Variants in GLDC observed in about 807,000 individuals in gnomAD.
The protein encoded by GLDC is glycine decarboxylase.
GLDC carries 104 observed loss-of-function variants against 121.3 expected under a neutral mutation model. The ratio of observed to expected loss-of-function variants is 0.86; its 90% CI spans 0.73 to 1.01. GLDC has a LOEUF of 1.01. Among genes scored for constraint, GLDC ranks in the 50% least tolerant of loss-of-function variants. GLDC has a pLI of 0.00. For synonymous variants in GLDC, 546 were observed against 480.6 expected (o/e 1.14, Z -1.78); for missense variants, 1,429 against 1,306.6 (o/e 1.09, Z -1.44).
At chr9:6,619,081 T>A (rs776132134) in intron 3 of GLDC, among the ~76,000 whole-genome samples, 5 of 136,482 alleles carry the variant, frequency 3.7e-5, no homozygotes, top group Admixed American at 8.3e-5. Flanking sequence ...GGGCAGAGGT[T>A]GCAGTGAGCC....
Position 6,588,435 on chromosome 9 carries a change from C to A in GLDC, c.1673G>T (p.Cys558Phe). 1 of 1,611,880 alleles carries A rather than the reference C, an allele frequency of 6.2e-7. No individual in the cohort carries two copies. Among genetic ancestry groups the A allele is most frequent in the Non-Finnish European group, 8.5e-7 (1 of 1,177,956 alleles). The change falls in exon 14 of 25, where the codon TGC becomes TTC. Residue 558 changes from cysteine (C) to phenylalanine (F), a missense_variant. Cys to Phe is a radical substitution (Grantham distance 205, BLOSUM62 -2). Coordinates refer to ENST00000321612, the MANE Select transcript of GLDC (RefSeq NM_000170.3). The stretch of plus-strand genomic sequence containing the variant: ...AGACGAACTGTTCAGTTTCATGGTG[C>A]AGGATCCCTTTAAGAAGAACATCCA... The part of the protein sequence containing the change: ...LVHSMIPLGS[C>F]TMKLNSSSEL...
chr9:6,644,887 C>T (rs1346163124), intron 1 of GLDC, 195 bp from the exon 2 acceptor site: 7 of 636,184 alleles, frequency 1.1e-5, no homozygotes, highest in Non-Finnish European at 1.9e-5. Context: ...GGAGATTCCG[C>T]CACTCGGGGT....
chr9:6,625,998 T>C (rs1277784211), intron 2 of GLDC, among the ~76,000 whole-genome samples: 1 of 152,046 alleles, frequency 6.6e-6, no homozygotes, highest in Non-Finnish European at 1.5e-5. Context: ...AAACTCCAGA[T>C]CGCTTCCCTC....
chr9:6,558,322 A>T, intron 17 of GLDC: 3 of 628,080 alleles, frequency 4.8e-6, no homozygotes, highest in Admixed American at 2.7e-5. Flanking sequence ...TTCTGCAAGG[A>T]GTACTCTTAC....
chr9:6,607,062 G>A (rs776643854), intron 4 of GLDC, among the ~76,000 whole-genome samples: 1 of 151,056 alleles, frequency 6.6e-6, no homozygotes, highest in African/African-American at 2.4e-5. Context: ...GCAAAACTCT[G>A]TCTCAAAAAA....
At chr9:6,619,633 C>G (rs1161622711) in intron 3 of GLDC, among the ~76,000 whole-genome samples, 6 of 152,126 alleles carry the variant, frequency 3.9e-5, no homozygotes, top group African/African-American at 1.2e-4. Flanking sequence ...GAGGCTGAGG[C>G]AGAAGAATTG....
chr9:6,587,338 T>G (rs1818291872), intron 14 of GLDC, 55 bp from the exon 15 acceptor site: 1 of 1,221,610 alleles, frequency 8.2e-7, no homozygotes, highest in African/African-American at 1.5e-5. Flanking sequence ...GCAATAGCAA[T>G]AATAACTTTA....
chr9:6,587,010 C>T (rs1303283377), intron 15 of GLDC, 131 bp downstream of exon 15: 1 of 770,428 alleles, frequency 1.3e-6, no homozygotes, highest in Non-Finnish European at 2.3e-6. Context: ...CCATGCTCTC[C>T]CCAGTGGAGT....
rs1817043590 is a variant in GLDC at position 6,533,424 on chromosome 9, T to G, written c.2920-264A>C. ...ATAGCAAAGTTGTGTTTGAAAGACT[T>G]CAACTGCTTAAAGAAGACTTTGGAA... is the stretch of plus-strand genomic sequence containing the variant. On this transcript the variant is annotated intron_variant, in intron 24 of 24. Coordinates refer to ENST00000321612, the MANE Select transcript of GLDC (RefSeq NM_000170.3). Among the ~76,000 whole-genome samples, 4 of 152,218 alleles carry G rather than the reference T, an allele frequency of 2.6e-5. No homozygotes were observed. In the South Asian group the frequency reaches 8.3e-4, roughly 31 times the overall value.
rs553220071 is a variant in GLDC at position 6,620,157 on chromosome 9, C to T, written c.470+27G>A. On this transcript the variant is annotated intron_variant, in intron 3 of 24. Coordinates refer to ENST00000321612, the MANE Select transcript of GLDC (RefSeq NM_000170.3). ...GAGAATTATGCAAATCACAGTCATC[C>T]TGTTCCTGAACTGAGAAATACATTA... 29 of 1,609,188 alleles carry T rather than the reference C, an allele frequency of 1.8e-5. No individual in the cohort carries two copies. In the South Asian group the frequency reaches 3.1e-4, roughly 17 times the overall value.
chr9:6,641,539 G>C (rs898653981), intron 2 of GLDC, among the ~76,000 whole-genome samples: 2 of 152,182 alleles, frequency 1.3e-5, no homozygotes, highest in Non-Finnish European at 2.9e-5. Flanking sequence ...GGGCTGCCTG[G>C]GTTTGAATTC....
chr9:6,607,622 T>C (rs1272506386), intron 4 of GLDC, among the ~76,000 whole-genome samples: 2 of 151,586 alleles, frequency 1.3e-5, no homozygotes, highest in Non-Finnish European at 2.9e-5. Context: ...ATAAATAAAA[T>C]AGTTTATTTA....
chr9:6,573,562 C>T (rs1818006298), intron 15 of GLDC, among the ~76,000 whole-genome samples: 1 of 151,872 alleles, frequency 6.6e-6, no homozygotes, highest in African/African-American at 2.4e-5. Context: ...AAAAAAGCGA[C>T]CCCCATCCAT....
intron 15 of GLDC, chr9:6,567,188 T>A (rs1817871314): frequency 1.3e-5 from 2 of 151,846 alleles, no homozygotes; most frequent in South Asian, 4.2e-4. Context: ...AAGACCTGAG[T>A]CACCCCGTTC....
rs762609731 is a variant in GLDC, at chr9:6,605,111, C to T, written c.861+20G>A. On this transcript the variant is annotated intron_variant, in intron 6 of 24. Coordinates refer to ENST00000321612, the MANE Select transcript of GLDC (RefSeq NM_000170.3). The stretch of plus-strand genomic sequence containing the variant: ...TTGGGATACGCCTCCACGGACCCCC[C>T]ACAAGAAAGGTATACCTACCCCACT... The T allele has an allele frequency of 5.0e-6, 8 of 1,610,414 alleles. No homozygotes were observed. Among genetic ancestry groups the T allele is most frequent in the East Asian group, 2.2e-5 (1 of 44,864 alleles).
intron 16 of GLDC, among the ~76,000 whole-genome samples, chr9:6,560,073 A>T (rs1468904606): frequency 6.6e-6 from 1 of 152,236 alleles, no homozygotes; most frequent in African/African-American, 2.4e-5. Context: ...CTCAGACTCA[A>T]ATCATCCTTC....
At chr9:6,538,961 T>C (rs1354754021) in intron 22 of GLDC, among the ~76,000 whole-genome samples, 1 of 152,226 alleles carries the variant, frequency 6.6e-6, no homozygotes, top group Non-Finnish European at 1.5e-5. Context: ...AACTGCATAA[T>C]AAGATCATTC....
At chr9:6,636,447 C>A (rs781620155) in intron 2 of GLDC, among the ~76,000 whole-genome samples, 1 of 152,158 alleles carries the variant, frequency 6.6e-6, no homozygotes, top group Non-Finnish European at 1.5e-5. Flanking sequence ...TTGTAGCTTT[C>A]ACTCAGTTTT....
chr9:6,584,792 T>C (rs1818235492), intron 15 of GLDC, among the ~76,000 whole-genome samples: 1 of 152,206 alleles, frequency 6.6e-6, no homozygotes, highest in Non-Finnish European at 1.5e-5. Context: ...ATGGATGGTA[T>C]AGCTGGGAAT....
Sources: allele counts gnomAD v4.1 joint callset (sites outside exome capture counted in the v4.1 genomes callset), GRCh38; gene constraint gnomAD v4.1.1; transcripts MANE v1.5; gene names NCBI Gene and HGNC (gene_info 2026-07-23, HGNC 2026-07-21).